The following VPS13D variants were observed in gnomAD, a reference collection of about 807,000 sequenced individuals.
VPS13D encodes intermembrane lipid transfer protein VPS13D.
A neutral mutation model predicts 461.9 loss-of-function variants in VPS13D; 187 were observed. That is an observed-to-expected ratio of 0.40 (90% CI 0.36 to 0.46). The LOEUF (loss-of-function observed/expected upper bound fraction) is 0.46, where lower values mean the gene tolerates loss of function less well. VPS13D is among the 20% of genes least tolerant of loss of function. The pLI, the probability that VPS13D is intolerant of heterozygous loss-of-function variation, is 0.60. For missense variants in VPS13D, 4,711 were observed against 5,364.9 expected (o/e 0.88, Z 3.81); for synonymous variants, 1,951 against 1,986.3 (o/e 0.98, Z 0.47).
chr1:12,406,871 A>G lies in VPS13D; in HGVS notation c.12030+2898A>G, dbSNP rs568494256. Among the ~76,000 whole-genome samples, 3 of 152,288 alleles carry G rather than the reference A, an allele frequency of 2.0e-5. No individual in the cohort carries two copies. In the South Asian group the frequency reaches 6.2e-4, roughly 32 times the overall value. On this transcript the variant is annotated intron_variant, in intron 63 of 69. Coordinates refer to ENST00000620676, the MANE Select transcript of VPS13D (RefSeq NM_015378.4). ...CTTTTTCCATTTAGAGCATTGGGGT[A>G]TTACAAAAGAAGGGCTTTAATTGAG...
At chr1:12,380,134 T>C (rs926371636) in intron 57 of VPS13D, among the ~76,000 whole-genome samples, 1 of 152,104 alleles carries the variant, frequency 6.6e-6, no homozygotes, top group African/African-American at 2.4e-5. Flanking sequence ...GTGTTAAGAG[T>C]GATTGCCCTG....
At chr1:12,452,307 T>C (rs890728765) in intron 65 of VPS13D, among the ~76,000 whole-genome samples, 1 of 152,252 alleles carries the variant, frequency 6.6e-6, no homozygotes, top group African/African-American at 2.4e-5. Flanking sequence ...AGTGGGAGGA[T>C]GGGATCATGA....
intron 25 of VPS13D, 123 bp from the exon 26 acceptor site, chr1:12,304,381 TTA>T (rs1420815480): frequency 1.2e-6 from 1 of 808,190 alleles, no homozygotes; most frequent in Admixed American, 2.7e-5. Flanking sequence ...AGTATAAGTA[TTA>T]TAGAGTCTTT....
chr1:12,427,485 G>GA (rs371345972), intron 65 of VPS13D, among the ~76,000 whole-genome samples: 130 of 143,378 alleles, frequency 9.1e-4, no homozygotes, highest in African/African-American at 2.9e-3. Context: ...GATCAAAACC[G>GA]AAAAAAAAAA....
At chr1:12,474,064 G>T (rs990772626) in intron 67 of VPS13D, among the ~76,000 whole-genome samples, 5 of 152,164 alleles carry the variant, frequency 3.3e-5, no homozygotes, top group African/African-American at 1.2e-4. Flanking sequence ...AGCCCCACAT[G>T]ACATGGAAAT....
At position 12,460,464 on chromosome 1, in the gene VPS13D, C is replaced by T. The variant is rs1365870658; in HGVS notation, c.12662+68C>T. On this transcript the variant is annotated intron_variant, in intron 67 of 69. Coordinates refer to ENST00000620676, the MANE Select transcript of VPS13D (RefSeq NM_015378.4). ...GGTCTGCTGCTTCTCCTAATCCATACTGATGTGTTTAATTGTGCACTTTCT... is the reference window on the plus strand; with the variant it reads ...GGTCTGCTGCTTCTCCTAATCCATATTGATGTGTTTAATTGTGCACTTTCT... The T allele has an allele frequency of 5.0e-6, 7 of 1,391,818 alleles. No homozygotes were observed. The East Asian group carries it at 1.3e-4, about 25-fold the overall frequency. 86.2% of individuals were successfully genotyped at this position (1,391,818 alleles called of 1,614,324 possible).
intron 6 of VPS13D, among the ~76,000 whole-genome samples, chr1:12,251,266 C>T (rs890325274): frequency 6.6e-6 from 1 of 152,222 alleles, no homozygotes; most frequent in African/African-American, 2.4e-5. Context: ...TCTCTAGAAG[C>T]TGTGTGCTCC....
intron 64 of VPS13D, 74 bp downstream of exon 64, chr1:12,415,295 T>TA (rs1290864065): frequency 1.3e-6 from 2 of 1,590,736 alleles, no homozygotes; most frequent in African/African-American, 2.7e-5. Flanking sequence ...GAATTTTGGT[T>TA]ACTAAGGCAT....
At chr1:12,260,648 A>G (rs1641078420) in intron 10 of VPS13D, 45 bp from the exon 11 acceptor site, 8 of 1,556,172 alleles carry the variant, frequency 5.1e-6, no homozygotes, top group Non-Finnish European at 5.3e-6. Flanking sequence ...CTGGATCTAC[A>G]ACGTTTGTGT....
chr1:12,446,829 G>T (rs1645198681), intron 65 of VPS13D, among the ~76,000 whole-genome samples: 2 of 152,166 alleles, frequency 1.3e-5, no homozygotes, highest in African/African-American at 4.8e-5. Flanking sequence ...CCCCAGTCTG[G>T]CCTCCATCTT....
intron 67 of VPS13D, among the ~76,000 whole-genome samples, chr1:12,465,579 T>G (rs1181602499): frequency 2.0e-5 from 3 of 152,164 alleles, no homozygotes; most frequent in Admixed American, 1.3e-4. Flanking sequence ...AAAAAGAAAG[T>G]TTTTGGTTGA....
intron 57 of VPS13D, among the ~76,000 whole-genome samples, chr1:12,381,963 T>TTTCTTTCTTTCTTTCC (rs1644284345): frequency 7.0e-6 from 1 of 143,746 alleles, no homozygotes; most frequent in Non-Finnish European, 1.5e-5. Context: ...TCTTTCTTTC[T>TTTCTTTCTTTCTTTCC]TTCTTTCTTT....
chr1:12,459,945 C>G (rs1452458379), intron 66 of VPS13D, among the ~76,000 whole-genome samples: 1 of 146,652 alleles, frequency 6.8e-6, no homozygotes. Flanking sequence ...CAGCTTTTCT[C>G]TGATTTTTTT....
At chr1:12,504,659 C>T (rs1198120682) in intron 68 of VPS13D, among the ~76,000 whole-genome samples, 8 of 152,230 alleles carry the variant, frequency 5.3e-5, no homozygotes, top group Non-Finnish European at 1.2e-4. Context: ...CCTGCCAGCT[C>T]GGCCTGTGTT....
intron 5 of VPS13D, among the ~76,000 whole-genome samples, chr1:12,248,178 C>T (rs575158464): frequency 9.2e-5 from 14 of 152,030 alleles, no homozygotes; most frequent in African/African-American, 1.7e-4. Context: ...CATGATCCAC[C>T]GTGCCTGGCC....
rs72864968 is a variant in VPS13D, at chr1:12,250,284, A to G, written c.564+945A>G. 4.2e-3 allele frequency among the ~76,000 whole-genome samples: 633 copies of G among 152,222 alleles called. 4 individuals carry two copies. Among genetic ancestry groups the G allele is most frequent in the African/African-American group, 0.014 (592 of 41,522 alleles). The stretch of plus-strand genomic sequence containing the variant: ...TGCTGAAAGGCCCAACCCTCTAATT[A>G]CTTGATCTTTCTGTGATGAGCCCCA... On this transcript the variant is annotated intron_variant, in intron 6 of 69. Transcript: ENST00000620676.
At chr1:12,269,315 G>A (rs1275822496) in intron 16 of VPS13D, among the ~76,000 whole-genome samples, 1 of 152,030 alleles carries the variant, frequency 6.6e-6, no homozygotes. Context: ...TCTTTTTTAG[G>A]TTTCTCAATT....
intron 50 of VPS13D, among the ~76,000 whole-genome samples, chr1:12,360,218 C>T (rs1643928774): frequency 6.6e-6 from 1 of 152,164 alleles, no homozygotes; most frequent in African/African-American, 2.4e-5. Flanking sequence ...TAAGATAGGA[C>T]TTTATCATTC....
At chr1:12,410,488 A>G (rs1192585495) in intron 63 of VPS13D, among the ~76,000 whole-genome samples, 2 of 152,226 alleles carry the variant, frequency 1.3e-5, no homozygotes, top group African/African-American at 4.8e-5. Context: ...TTCATACAAA[A>G]TGTTGCATTC....
Sources: allele counts gnomAD v4.1 joint callset (sites outside exome capture counted in the v4.1 genomes callset), GRCh38; gene constraint gnomAD v4.1.1; transcripts MANE v1.5; gene names NCBI Gene and HGNC (gene_info 2026-07-23, HGNC 2026-07-21).